Variants in GPATCH8 observed in about 807,000 individuals in gnomAD.
GPATCH8 encodes G-patch domain containing 8.
In GPATCH8, 18 loss-of-function variants were observed where a neutral mutation model predicts 118.3. The observed-to-expected ratio is 0.15, with a 90% CI of 0.11 to 0.23. GPATCH8 has a LOEUF of 0.23. GPATCH8 is among the 10% of genes least tolerant of loss of function. The probability of loss-of-function intolerance (pLI) is 1.00; values close to 1 mark genes in which losing one functional copy is unlikely to be tolerated. For synonymous variants in GPATCH8, 659 were observed against 684.7 expected, an observed-to-expected ratio of 0.96 and a Z score of 0.59; for missense variants, 1,631 against 1,873.8, an observed-to-expected ratio of 0.87 and a Z score of 2.39.
chr17:44,415,248 G>C (rs896902610), intron 6 of GPATCH8, among the ~76,000 whole-genome samples: 2 of 152,146 alleles, frequency 1.3e-5, no homozygotes, highest in African/African-American at 4.8e-5. Flanking sequence ...CCATCCCAGT[G>C]GGTATGAAAT....
intron 1 of GPATCH8, among the ~76,000 whole-genome samples, chr17:44,501,851 T>C (rs1354621740): frequency 6.6e-6 from 1 of 152,204 alleles, no homozygotes; most frequent in East Asian, 1.9e-4. Context: ...AGTATGTCTC[T>C]ACCGGTAATT....
intron 2 of GPATCH8, among the ~76,000 whole-genome samples, chr17:44,470,711 T>C (rs1007742345): frequency 1.3e-5 from 2 of 152,068 alleles, no homozygotes; most frequent in Non-Finnish European, 2.9e-5. Flanking sequence ...GGTTTCACCA[T>C]GTTGGTCAGG....
intron 3 of GPATCH8, among the ~76,000 whole-genome samples, chr17:44,448,489 C>CA (rs1165847501): frequency 0.084 from 3,147 of 37,622 alleles, 383 homozygotes; most frequent in Non-Finnish European, 0.099. Context: ...TCACGTGAGC[C>CA]AAAAAAAAAA....
intron 1 of GPATCH8, among the ~76,000 whole-genome samples, chr17:44,483,023 G>GCTGGTGC (rs1379683718): frequency 6.8e-6 from 1 of 147,628 alleles, no homozygotes; most frequent in Non-Finnish European, 1.5e-5. Flanking sequence ...AGGCATGGTG[G>GCTGGTGC]CTGGTGCCTG....
chr17:44,399,006 T>A lies in GPATCH8; in HGVS notation c.3071A>T (p.Asp1024Val). Residue 1024 changes from aspartate to valine, a missense_variant, in exon 8 of 8, where the codon GAC becomes GTC. By Grantham distance (152) the Asp-to-Val change is radical (BLOSUM62 -3). Transcript: ENST00000591680. Reference sequence around the variant, plus strand: ...GCGGTAGATCTTAGAACGAATGAAGTCCCGACGCCCAGAATGCCTCTCCTC... The same window carrying A: ...GCGGTAGATCTTAGAACGAATGAAGACCCGACGCCCAGAATGCCTCTCCTC... ...SPEERHSGRR[D>V]FIRSKIYRSQ... is the part of the protein sequence containing the mutation. 1 of 1,613,932 alleles carries A rather than the reference T, an allele frequency of 6.2e-7. No individual in the cohort carries two copies. The highest frequency in any genetic ancestry group is 8.5e-7 in the Non-Finnish European group (1 of 1,179,892).
In GPATCH8 at chr17:44,459,009, C is replaced by G. The variant is rs2051446984; in HGVS notation, c.193+5463G>C. 2.0e-5 allele frequency among the ~76,000 whole-genome samples: 3 copies of G among 152,196 alleles called. No homozygotes were observed. The South Asian group carries it at 6.2e-4, about 32-fold the overall frequency. On this transcript the variant is annotated intron_variant, in intron 3 of 7. Transcript: ENST00000591680. ...TGGGGTAAGGAATGACAATGGGGAC[C>G]CAACTTTTAAAATTCTGGGTTGTTA...
intron 1 of GPATCH8, among the ~76,000 whole-genome samples, chr17:44,479,564 ACT>A (rs1289845896): frequency 1.3e-5 from 2 of 152,224 alleles, no homozygotes; most frequent in African/African-American, 4.8e-5. Context: ...TAAATGTAAA[ACT>A]GAAAATGATA....
intron 5 of GPATCH8, among the ~76,000 whole-genome samples, chr17:44,429,686 A>ACACACACACACAC (rs371769035): frequency 1.4e-5 from 2 of 147,156 alleles, no homozygotes; most frequent in African/African-American, 5.2e-5. Flanking sequence ...ACACACACAC[A>ACACACACACACAC]AAACAACAAA....
In GPATCH8 at chr17:44,396,941, G is replaced by A; in HGVS notation, c.*627C>T. The stretch of plus-strand genomic sequence containing the variant: ...CCTCTTCTGGGATGAGGGATACCAA[G>A]ATAACAGTGCCAAATGTGTGGCTCC... On this transcript the variant is annotated 3_prime_UTR_variant, in exon 8 of 8. Coordinates refer to ENST00000591680, the MANE Select transcript of GPATCH8 (RefSeq NM_001002909.4). 2.2e-6 allele frequency: 1 copy of A among 454,094 alleles called. No homozygotes were observed. Among genetic ancestry groups the A allele is most frequent in the Non-Finnish European group, 4.4e-6 (1 of 226,792 alleles). The allele number at this position is 454,094 out of a possible 1,614,324, so 28.1% of individuals were successfully genotyped here. A position where few individuals can be genotyped will look rare whatever the true frequency, so the allele number is the denominator to read the frequency against.
chr17:44,473,045 T>C (rs1369757950), intron 2 of GPATCH8, among the ~76,000 whole-genome samples: 1 of 151,812 alleles, frequency 6.6e-6, no homozygotes, highest in Non-Finnish European at 1.5e-5. Flanking sequence ...AGTTTGCAAA[T>C]ACAAGATACT....
At chr17:44,474,571 A>C in intron 2 of GPATCH8, 1 of 540,130 alleles carries the variant, frequency 1.9e-6, no homozygotes, top group South Asian at 1.9e-5. Context: ...TACCTTCAAC[A>C]AAGTATCGGT....
intron 3 of GPATCH8, among the ~76,000 whole-genome samples, chr17:44,451,337 C>T (rs898315265): frequency 6.6e-6 from 1 of 152,150 alleles, no homozygotes; most frequent in Non-Finnish European, 1.5e-5. Flanking sequence ...AAGTGATCCA[C>T]CTGCCTCGTC....
At chr17:44,473,144 T>G (rs1396563415) in intron 2 of GPATCH8, 1 of 152,132 alleles carries the variant, frequency 6.6e-6, no homozygotes, top group Non-Finnish European at 1.5e-5. Context: ...GATTTTTTTT[T>G]TTTTTTTTGA....
chr17:44,401,804 A>T (rs865825263), intron 7 of GPATCH8, among the ~76,000 whole-genome samples: 1 of 151,606 alleles, frequency 6.6e-6, no homozygotes, highest in Non-Finnish European at 1.5e-5. Context: ...AGAAGTTCGT[A>T]AACAGCCTGG....
intron 1 of GPATCH8, among the ~76,000 whole-genome samples, chr17:44,484,301 TG>T (rs1251853064): frequency 6.6e-6 from 1 of 152,168 alleles, no homozygotes; most frequent in Non-Finnish European, 1.5e-5. Context: ...TTATTTTAAA[TG>T]GCGTTGATTC....
At chr17:44,424,649 T>G (rs2050027184) in intron 5 of GPATCH8, among the ~76,000 whole-genome samples, 157 bp from the exon 6 acceptor site, 1 of 152,200 alleles carries the variant, frequency 6.6e-6, no homozygotes, top group South Asian at 2.1e-4. Context: ...AGTGGTACTT[T>G]GGTGGGTAAT....
chr17:44,474,760 CA>C (rs758060492), intron 2 of GPATCH8, 68 bp downstream of exon 2: 1 of 801,706 alleles, frequency 1.2e-6, no homozygotes, highest in African/African-American at 1.7e-5. Flanking sequence ...ACTTCACTCA[CA>C]TCAAGTGTCA....
rs771356419 is a variant in GPATCH8, at chr17:44,398,974, A to G, written c.3103T>C (p.Ser1035Pro). The G allele has an allele frequency of 1.2e-6, 2 of 1,613,518 alleles. No individual in the cohort carries two copies. Among genetic ancestry groups the G allele is most frequent in the Non-Finnish European group, 1.7e-6 (2 of 1,179,856 alleles). The change falls in exon 8 of 8, where the codon TCC (serine) becomes CCC (proline). Residue 1035 changes from serine to proline, a missense_variant. Coordinates refer to ENST00000591680, the MANE Select transcript of GPATCH8 (RefSeq NM_001002909.4). ...CGGCCTGATCGGAAATAGTGGGGGG[A>G]CTGGGAGCGGTAGATCTTAGAACGA... ...FIRSKIYRSQ[S>P]PHYFRSGRGE...
At chr17:44,483,143 A>G (rs1396258068) in intron 1 of GPATCH8, among the ~76,000 whole-genome samples, 1 of 80,136 alleles carries the variant, frequency 1.2e-5, no homozygotes, top group Non-Finnish European at 2.3e-5. Context: ...CGAAAGAGTG[A>G]GACTCCGTCT....
Sources: allele counts gnomAD v4.1 joint callset (sites outside exome capture counted in the v4.1 genomes callset), GRCh38; gene constraint gnomAD v4.1.1; transcripts MANE v1.5; gene names NCBI Gene and HGNC (gene_info 2026-07-23, HGNC 2026-07-21).